Variants in GRAMD4 observed in about 807,000 individuals in gnomAD.
GRAMD4 encodes the protein GRAM domain-containing protein 4.
GRAMD4 carries 25 observed loss-of-function variants against 83.9 expected under a neutral mutation model. That is an observed-to-expected ratio of 0.30 (90% CI 0.22 to 0.42). GRAMD4 has a LOEUF of 0.42. GRAMD4 is among the 10% of genes least tolerant of loss of function. The pLI, the probability that GRAMD4 is intolerant of heterozygous loss-of-function variation, is 1.00. For missense variants in GRAMD4, 593 were observed against 788.7 expected, an observed-to-expected ratio of 0.75 and a Z score of 2.97; for synonymous variants, 336 against 320.9, an observed-to-expected ratio of 1.05 and a Z score of -0.50.
At chr22:46,591,076 A>AAAAAC in intron 1 of GRAMD4, among the ~76,000 whole-genome samples, 1 of 113,670 alleles carries the variant, frequency 8.8e-6, no homozygotes, top group African/African-American at 3.8e-5. Context: ...AAAAGAAAAA[A>AAAAAC]AAACAAACAA....
At chr22:46,624,888 T>G (rs1203490365) in intron 1 of GRAMD4, among the ~76,000 whole-genome samples, 1 of 137,960 alleles carries the variant, frequency 7.2e-6, no homozygotes, top group African/African-American at 2.8e-5. Context: ...TGAGACAGAG[T>G]CTCGCTCTGT....
Position 46,678,555 on chromosome 22 carries a change from C to A in GRAMD4, c.*1304C>A, listed in dbSNP as rs897292069. 3.0e-6 allele frequency: 3 copies of A among 985,346 alleles called. No homozygotes were observed. The highest frequency in any genetic ancestry group is 1.1e-4 in the East Asian group (1 of 8,818). The allele number at this position is 985,346 out of a possible 1,614,324, so 61.0% of individuals were successfully genotyped here. On this transcript the variant is annotated 3_prime_UTR_variant, in exon 19 of 19. Transcript: ENST00000406902. ...CTCCTGGAAGGAGGTGGCCACCCCG[C>A]GGGCCTGCGTGTCTGCTGGGGCGGA... is the stretch of plus-strand genomic sequence containing the variant.
Position 46,621,089 on chromosome 22 carries a change from G to A in GRAMD4, c.-50+524G>A, listed in dbSNP as rs1352566668. Among the ~76,000 whole-genome samples the A allele has an allele frequency of 6.6e-6, 1 of 151,346 alleles. No homozygotes were observed. The highest frequency in any genetic ancestry group is 2.0e-4 in the East Asian group (1 of 5,068). ...CTCCAGGGACCGTGGAGGGGGTGGG[G>A]ATGGGCAGCTAGAAGTGGGGAGGGC... On this transcript the variant is annotated intron_variant, in intron 1 of 18. Transcript: ENST00000406902. The surrounding 1 kb of genome is among the most constrained non-coding windows in gnomAD (Gnocchi z 5.8).
chr22:46,630,260 A>T (rs1015730390), intron 2 of GRAMD4, among the ~76,000 whole-genome samples: 1 of 152,134 alleles, frequency 6.6e-6, no homozygotes, highest in African/African-American at 2.4e-5. Context: ...TCCTGAGCTC[A>T]GGCAATCCAC....
Position 46,679,767 on chromosome 22 carries a change from C to A in GRAMD4, c.*2516C>A. 1 of 981,086 alleles carries A rather than the reference C, an allele frequency of 1.0e-6. No homozygotes were observed. Among genetic ancestry groups the A allele is most frequent in the Non-Finnish European group, 1.2e-6 (1 of 825,850 alleles). 60.8% of individuals were successfully genotyped at this position (981,086 alleles called of 1,614,324 possible). On this transcript the variant is annotated 3_prime_UTR_variant, in exon 19 of 19. Transcript: ENST00000406902. Reference sequence around the variant, plus strand: ...AATTATAATTTTTATTTAAATAAACCTAAAATGCTTTGTGCTAAGGCTCAG... The same window carrying A: ...AATTATAATTTTTATTTAAATAAACATAAAATGCTTTGTGCTAAGGCTCAG...
Position 46,664,022 on chromosome 22 carries a change from C to G in GRAMD4, c.626-4C>G, listed in dbSNP as rs761350618. 14 of 1,609,826 alleles carry G rather than the reference C, an allele frequency of 8.7e-6. No individual in the cohort carries two copies. The East Asian group carries it at 3.1e-4, about 36-fold the overall frequency. ...CTGACCACTGTGGTCTGCTCTGTCC[C>G]CAGAGCGCGGTGCCAAGCCGGTCAC... On this transcript the variant is annotated splice_region_variant and splice_polypyrimidine_tract_variant and intron_variant, in intron 7 of 18. Coordinates refer to ENST00000406902, the MANE Select transcript of GRAMD4 (RefSeq NM_015124.5).
chr22:46,680,108 AGTG>A (rs112544173), downstream of GRAMD4, among the ~76,000 whole-genome samples: 2 of 152,172 alleles, frequency 1.3e-5, no homozygotes, highest in African/African-American at 4.8e-5. Context: ...CACAGGGCGA[AGTG>A]GGGGAGGTTG....
At chr22:46,673,548 C>T in intron 14 of GRAMD4, 122 bp from the exon 15 acceptor site, 2 of 1,241,152 alleles carry the variant, frequency 1.6e-6, no homozygotes, top group Non-Finnish European at 2.3e-6. Flanking sequence ...CCGGAAGGGA[C>T]CTCGGGAACG....
rs2082633570 is a variant in GRAMD4 at position 46,678,606 on chromosome 22, GA to G, written c.*1356del. 1 of 985,392 alleles carries G rather than the reference GA, an allele frequency of 1.0e-6. No homozygotes were observed. Among genetic ancestry groups the G allele is most frequent in the African/African-American group, 1.7e-5 (1 of 57,262 alleles). The allele number at this position is 985,392 out of a possible 1,614,324, so 61.0% of individuals were successfully genotyped here. Reference sequence around the variant, plus strand: ...TCCCGCAGCTCCCTCAGCTTGTCCTGAGTCCCTTGGGTGTCGTTGAGATTGT... The same window carrying G: ...TCCCGCAGCTCCCTCAGCTTGTCCTGGTCCCTTGGGTGTCGTTGAGATTGT... On this transcript the variant is annotated 3_prime_UTR_variant, in exon 19 of 19. Transcript: ENST00000406902.
Position 46,668,726 on chromosome 22 carries a change from T to A in GRAMD4, c.968T>A (p.Ile323Asn). The A allele has an allele frequency of 6.2e-7, 1 of 1,607,546 alleles. No homozygotes were observed. The highest frequency in any genetic ancestry group is 8.5e-7 in the Non-Finnish European group (1 of 1,175,048). Reference protein sequence around the residue: ...FGKMADILEKIKNLFMWVQPE... With the variant: ...FGKMADILEKNKNLFMWVQPE... ...AAGATGGCTGACATCCTGGAGAAGA[T>A]CAAGAAGTAAGTCCCGCCCCCCACC... Residue 323 changes from isoleucine to asparagine, a missense_variant, in exon 12 of 19, where the codon ATC becomes AAC. Physicochemically the swap from Ile to Asn is moderately radical, Grantham distance 149. Coordinates refer to ENST00000406902, the MANE Select transcript of GRAMD4 (RefSeq NM_015124.5).
At chr22:46,658,148 A>T (rs377038352) in intron 3 of GRAMD4, 39 bp from the exon 4 acceptor site, 1 of 1,612,290 alleles carries the variant, frequency 6.2e-7, no homozygotes, top group Non-Finnish European at 8.5e-7. Flanking sequence ...GGTCGCGTGG[A>T]CATGAGCGAT....
At chr22:46,664,155 G>A in intron 8 of GRAMD4, 38 bp downstream of exon 8, 2 of 1,343,408 alleles carry the variant, frequency 1.5e-6, no homozygotes, top group Non-Finnish European at 2.1e-6. Context: ...GGGTGGGTGG[G>A]ATGTGCCTGC....
upstream of GRAMD4, among the ~76,000 whole-genome samples, chr22:46,620,097 C>T (rs138491): frequency 0.46 from 70,253 of 151,396 alleles, 17,865 homozygotes; most frequent in Non-Finnish European, 0.59. This position sits in a 1 kb window ranked among gnomAD's most constrained non-coding sequence, Gnocchi z 4.7. Flanking sequence ...TCAGGGCAAG[C>T]GCCAGAGACC....
At chr22:46,643,048 C>T in intron 3 of GRAMD4, among the ~76,000 whole-genome samples, 3 of 151,966 alleles carry the variant, frequency 2.0e-5, no homozygotes, top group Admixed American at 6.6e-5. Flanking sequence ...TCCATCCGTC[C>T]ATCCACCCAC....
Position 46,620,549 on chromosome 22 carries a change from A to G in GRAMD4, c.-66A>G. ...ACAGTGAAAGAGTGTTTCTGGATGT[A>G]TCTGAGACAGACGGAGGTAGGGGGC... On this transcript the variant is annotated 5_prime_UTR_variant, in exon 1 of 19. Coordinates refer to ENST00000406902, the MANE Select transcript of GRAMD4 (RefSeq NM_015124.5). This position sits in a 1 kb window ranked among gnomAD's most constrained non-coding sequence, Gnocchi z 4.7. 2 of 767,200 alleles carry G rather than the reference A, an allele frequency of 2.6e-6. No individual in the cohort carries two copies. Among genetic ancestry groups the G allele is most frequent in the Non-Finnish European group, 3.1e-6 (2 of 651,102 alleles). The allele number at this position is 767,200 out of a possible 1,614,324, so 47.5% of individuals were successfully genotyped here.
chr22:46,668,637 C>G (rs1468293879), intron 11 of GRAMD4, 52 bp from the exon 12 acceptor site: 3 of 1,563,574 alleles, frequency 1.9e-6, no homozygotes, highest in Non-Finnish European at 2.6e-6. Flanking sequence ...CGCGGTGTGA[C>G]TGACAGCCCA....
At chr22:46,614,835 T>TCCTGTGCTTGTAGCTTCC (rs2081455531) in intron 1 of GRAMD4, among the ~76,000 whole-genome samples, 2 of 21,846 alleles carry the variant, frequency 9.2e-5, no homozygotes, top group East Asian at 4.7e-3. Context: ...TTATAGGTTC[T>TCCTGTGCTTGTAGCTTCC]CCTGTGCTTG....
chr22:46,603,337 A>G (rs889378157), intron 1 of GRAMD4, among the ~76,000 whole-genome samples: 36 of 147,716 alleles, frequency 2.4e-4, no homozygotes, highest in African/African-American at 8.8e-4. Flanking sequence ...CCTCCCGAGT[A>G]GCTGGGACCA....
chr22:46,620,430 C>T lies in GRAMD4; in HGVS notation c.-185C>T. 1 of 985,352 alleles carries T rather than the reference C, an allele frequency of 1.0e-6. No individual in the cohort carries two copies. The highest frequency in any genetic ancestry group is 1.7e-5 in the African/African-American group (1 of 57,324). The allele number at this position is 985,352 out of a possible 1,614,324, so 61.0% of individuals were successfully genotyped here. On this transcript the variant is annotated 5_prime_UTR_variant, in exon 1 of 19. Transcript: ENST00000406902. The surrounding 1 kb of genome is among the most constrained non-coding windows in gnomAD (Gnocchi z 4.7). ...CAGGCTCCAGGGCAGCAGACACCACCCTCTCCGTGCCTGCTGGTGTTGGGC... is the reference window on the plus strand; with the variant it reads ...CAGGCTCCAGGGCAGCAGACACCACTCTCTCCGTGCCTGCTGGTGTTGGGC...
Sources: allele counts gnomAD v4.1 joint callset (sites outside exome capture counted in the v4.1 genomes callset), GRCh38; gene constraint gnomAD v4.1.1; non-coding constraint Gnocchi (gnomAD v3.1); transcripts MANE v1.5; gene names NCBI Gene and HGNC (gene_info 2026-07-23, HGNC 2026-07-21).